SASH1: variants seen among roughly 807,000 people sequenced by gnomAD.
SASH1 encodes the protein SAM and SH3 domain-containing protein 1.
Under a neutral mutation model 125.2 loss-of-function variants are expected in SASH1, and 44 were observed. The observed-to-expected ratio is 0.35, with a 90% CI of 0.28 to 0.45. The LOEUF (loss-of-function observed/expected upper bound fraction) is 0.45. Among genes scored for constraint, SASH1 ranks in the 20% least tolerant of loss-of-function variants. The pLI is 1.00. For missense variants in SASH1, 1,426 were observed against 1,614.5 expected, an observed-to-expected ratio of 0.88 and a Z score of 2.00; for synonymous variants, 639 against 649.1, an observed-to-expected ratio of 0.98 and a Z score of 0.24.
At chr6:148,471,548 C>A in intron 6 of SASH1, 45 bp downstream of exon 6, 1 of 1,152,222 alleles carries the variant, frequency 8.7e-7, no homozygotes, top group Non-Finnish European at 1.3e-6. Flanking sequence ...TTAGCTCTAA[C>A]ATGGGAAGAA....
At chr6:148,374,885 C>T (rs1022691967) in intron 1 of SASH1, among the ~76,000 whole-genome samples, 22 of 152,188 alleles carry the variant, frequency 1.4e-4, no homozygotes, top group African/African-American at 4.1e-4. Flanking sequence ...TTAGTAGAGA[C>T]GGGGTTTCGC....
chr6:148,468,876 C>T (rs1187699082), intron 5 of SASH1: 6 of 261,380 alleles, frequency 2.3e-5, no homozygotes, highest in Non-Finnish European at 4.3e-5. Context: ...ACCTAAATAT[C>T]CAGCAAAGAA....
intron 4 of SASH1, among the ~76,000 whole-genome samples, chr6:148,452,644 T>C (rs568352618): frequency 6.6e-6 from 1 of 152,194 alleles, no homozygotes; most frequent in Admixed American, 6.5e-5. Flanking sequence ...AGGGTGGTGC[T>C]GTGAAATGCC....
At chr6:148,545,579 G>A (rs536069200) in intron 18 of SASH1, among the ~76,000 whole-genome samples, 1 of 152,360 alleles carries the variant, frequency 6.6e-6, no homozygotes, top group East Asian at 1.9e-4. Flanking sequence ...ACTCTCTTCA[G>A]TAACATTAGA....
At chr6:148,337,519 T>C (rs1276671579) in intron 1 of SASH1, among the ~76,000 whole-genome samples, 1 of 152,054 alleles carries the variant, frequency 6.6e-6, no homozygotes, top group Non-Finnish European at 1.5e-5. Context: ...CCACCATGCC[T>C]GGCCCTTAAT....
At chr6:148,287,948 G>A (rs1779529906) in intron 1 of SASH1, among the ~76,000 whole-genome samples, 1 of 152,108 alleles carries the variant, frequency 6.6e-6, no homozygotes, top group Admixed American at 6.5e-5. Context: ...GAAAAAGTAG[G>A]GCTTGAGTTT....
At chr6:148,378,508 T>G (rs1489394618) in intron 1 of SASH1, among the ~76,000 whole-genome samples, 1 of 152,158 alleles carries the variant, frequency 6.6e-6, no homozygotes, top group Non-Finnish European at 1.5e-5. Flanking sequence ...GCGTGTGCCA[T>G]CATGCCCCGC....
intron 1 of SASH1, among the ~76,000 whole-genome samples, chr6:148,380,424 T>C (rs1011767368): frequency 6.6e-6 from 1 of 152,226 alleles, no homozygotes; most frequent in Admixed American, 6.5e-5. Context: ...GTTCACAGCC[T>C]CACGTTTGTG....
At chr6:148,298,762 G>GAGAAAGAC (rs1295557151) in intron 1 of SASH1, among the ~76,000 whole-genome samples, 15 of 136,884 alleles carry the variant, frequency 1.1e-4, no homozygotes, top group African/African-American at 3.6e-4. Context: ...GAAGAAAAGA[G>GAGAAAGAC]AGAAAGAAAA....
At chr6:148,272,527 C>T (rs1240354238) in intron 1 of SASH1, 1 of 321,016 alleles carries the variant, frequency 3.1e-6, no homozygotes, top group African/African-American at 2.1e-5. Flanking sequence ...ATGAATTCAT[C>T]AAAATTCCGA....
chr6:148,543,583 G>C (rs1225782519), intron 17 of SASH1, 97 bp from the exon 18 acceptor site: 2 of 981,452 alleles, frequency 2.0e-6, no homozygotes, highest in Non-Finnish European at 3.0e-6. Context: ...ATAGGATGTG[G>C]GTGTTGGAGA....
At chr6:148,431,754 G>A (rs2114978708) in intron 2 of SASH1, among the ~76,000 whole-genome samples, 1 of 151,918 alleles carries the variant, frequency 6.6e-6, no homozygotes, top group Non-Finnish European at 1.5e-5. Context: ...AGCAGGTCAT[G>A]GAGTCAACGC....
In SASH1 at chr6:148,533,612, C is replaced by T. The variant is rs1375056408; in HGVS notation, c.1735-159C>T. On this transcript the variant is annotated intron_variant, in intron 14 of 19. Transcript: ENST00000367467. The surrounding 1 kb of genome is among the most constrained non-coding windows in gnomAD (Gnocchi z 6.2). ...GTCTGGCCTCTGCGGAGCTCACAGT[C>T]ACATCCTATGCAGGTCACTCAGAGG... 2.0e-5 allele frequency among the ~76,000 whole-genome samples: 3 copies of T among 152,152 alleles called. No homozygotes were observed.
intron 8 of SASH1, among the ~76,000 whole-genome samples, chr6:148,511,557 A>G (rs1562470296): frequency 1.3e-5 from 2 of 152,206 alleles, no homozygotes; most frequent in Non-Finnish European, 2.9e-5. Context: ...CATTAATTCA[A>G]AGGTACAAAG....
chr6:148,503,915 G>T (rs961299184), intron 8 of SASH1, among the ~76,000 whole-genome samples: 1 of 152,130 alleles, frequency 6.6e-6, no homozygotes, highest in Non-Finnish European at 1.5e-5. Context: ...TTACTACTTT[G>T]TGCATTTTTG....
In SASH1 at chr6:148,532,915, G is replaced by A; in HGVS notation, c.1683G>A (p.Val561=). The A allele has an allele frequency of 6.2e-7, 1 of 1,614,224 alleles. No individual in the cohort carries two copies. The highest frequency in any genetic ancestry group is 8.5e-7 in the Non-Finnish European group (1 of 1,180,034). ...GCCCGTTCTGCGGGCGTGCCAGGGT[G>A]CACACCGACTTCACCCCCAGTCCCT... is the stretch of plus-strand genomic sequence containing the variant. ...YRGPFCGRAR[V]HTDFTPSPYD... Residue 561 remains valine, a synonymous_variant, in exon 14 of 20, where the codon GTG becomes GTA. Transcript: ENST00000367467. The surrounding 1 kb of genome is among the most constrained non-coding windows in gnomAD (Gnocchi z 4.7).
chr6:148,497,964 G>A (rs1252252680), intron 8 of SASH1, among the ~76,000 whole-genome samples: 3 of 152,122 alleles, frequency 2.0e-5, no homozygotes, highest in Admixed American at 6.5e-5. Flanking sequence ...TATGTCGGAA[G>A]GCACTCTCAT....
chr6:148,387,164 C>T (rs1783407710), intron 1 of SASH1, among the ~76,000 whole-genome samples: 2 of 135,200 alleles, frequency 1.5e-5, no homozygotes, highest in South Asian at 4.6e-4. Flanking sequence ...GTTGCCCAGG[C>T]TAGAGTGCAG....
intron 4 of SASH1, among the ~76,000 whole-genome samples, chr6:148,467,064 T>C (rs1307412515): frequency 1.4e-5 from 2 of 143,772 alleles, no homozygotes; most frequent in East Asian, 2.2e-4. Context: ...AAGATTTTGC[T>C]CCACACTCTA....
Sources: gnomAD v4.1 joint callset for allele counts (sites outside exome capture counted in the v4.1 genomes callset) on GRCh38, gnomAD v4.1.1 for gene constraint, Gnocchi (gnomAD v3.1) non-coding constraint, MANE v1.5 for transcripts, NCBI Gene and HGNC (gene_info 2026-07-23, HGNC 2026-07-21) for gene names.